The following NLRP13 variants were observed in gnomAD, a reference collection of about 807,000 sequenced individuals.
NLRP13 encodes NLR family pyrin domain containing 13, also known as NACHT, LRR and PYD domains-containing protein 13.
Under a neutral mutation model 94.4 loss-of-function variants are expected in NLRP13, and 82 were observed. The observed-to-expected ratio is 0.87, with a 90% CI of 0.73 to 1.04. The LOEUF (loss-of-function observed/expected upper bound fraction) is 1.04, where lower values mean the gene tolerates loss of function less well. Ranked by LOEUF, NLRP13 falls within the 50% of genes least tolerant of loss-of-function variation. NLRP13 has a pLI of 0.00. For synonymous variants in NLRP13, 553 were observed against 464.7 expected, an observed-to-expected ratio of 1.19 and a Z score of -2.45; for missense variants, 1,426 against 1,230.8, an observed-to-expected ratio of 1.16 and a Z score of -2.37.
Position 55,932,041 on chromosome 19 carries a change from T to A in NLRP13, c.271A>T (p.Thr91Ser). ...TCACACAGTGAGGTCAGATTCATTG[T>A]CTGGAAGATGCCGAGGACCACTTTC... The part of the protein sequence containing the change: ...AWKVVLGIFQ[T>S]MNLTSLCEKV... Residue 91 changes from threonine to serine, a missense_variant, in exon 1 of 11, where the codon ACA becomes TCA. Thr to Ser is a moderately conservative substitution (Grantham distance 58). Coordinates refer to ENST00000342929, the MANE Select transcript of NLRP13 (RefSeq NM_176810.2). The A allele has an allele frequency of 6.2e-7, 1 of 1,614,076 alleles. No individual in the cohort carries two copies. Among genetic ancestry groups the A allele is most frequent in the Non-Finnish European group, 8.5e-7 (1 of 1,180,030 alleles).
In NLRP13 at chr19:55,898,865, C is replaced by T; in HGVS notation, c.2862G>A (p.Val954=). ...CATTTTCTCCCAAATCCAAGATTTT[C>T]ACATTATGATTATGGCTGAGGGCAT... is the stretch of plus-strand genomic sequence containing the variant. ...LANALSHNHN[V]KILDLGENDL... Residue 954 remains valine, a synonymous_variant, in exon 10 of 11, where the codon GTG becomes GTA. Coordinates refer to ENST00000342929, the MANE Select transcript of NLRP13 (RefSeq NM_176810.2). The T allele has an allele frequency of 1.9e-6, 3 of 1,614,060 alleles. No individual in the cohort carries two copies. The highest frequency in any genetic ancestry group is 2.5e-6 in the Non-Finnish European group (3 of 1,179,964).
intron 1 of NLRP13, among the ~76,000 whole-genome samples, chr19:55,928,168 G>A (rs948282935): frequency 4.6e-5 from 7 of 152,142 alleles, no homozygotes; most frequent in African/African-American, 1.4e-4. Flanking sequence ...GGCCAAGTAG[G>A]AACAAGACAA....
chr19:55,900,491 G>A (rs1159642281), intron 9 of NLRP13, among the ~76,000 whole-genome samples: 2 of 152,140 alleles, frequency 1.3e-5, no homozygotes, highest in Admixed American at 1.3e-4. Flanking sequence ...CTAGAACCAG[G>A]CCAGGCGCGG....
At chr19:55,922,173 C>T (rs1376974481) in intron 4 of NLRP13, among the ~76,000 whole-genome samples, 1 of 151,956 alleles carries the variant, frequency 6.6e-6, no homozygotes, top group African/African-American at 2.4e-5. Flanking sequence ...AAAGATCCAC[C>T]CCATGAATCA....
At chr19:55,893,415 T>C (rs2123094416), downstream of NLRP13, among the ~76,000 whole-genome samples, 1 of 152,040 alleles carries the variant, frequency 6.6e-6, no homozygotes, top group East Asian at 1.9e-4. Flanking sequence ...CAAAAACCAT[T>C]ACTTTAAAAC....
At chr19:55,895,820 G>GA, downstream of NLRP13, 1 of 1,029,858 alleles carries the variant, frequency 9.7e-7, no homozygotes, top group Non-Finnish European at 1.4e-6. Flanking sequence ...ACCCTTACTG[G>GA]AAGTTCCGTT....
At chr19:55,907,465 C>T (rs901815910) in intron 7 of NLRP13, among the ~76,000 whole-genome samples, 10 of 152,012 alleles carry the variant, frequency 6.6e-5, no homozygotes, top group Admixed American at 1.3e-4. Flanking sequence ...ACCAGCCACT[C>T]GGGGGCTGCA....
chr19:55,927,370 A>G (rs1163109049), intron 1 of NLRP13, among the ~76,000 whole-genome samples: 2 of 33,144 alleles, frequency 6.0e-5, no homozygotes, highest in Admixed American at 4.5e-4. Flanking sequence ...TCCATCTAGG[A>G]AAAAAAAAAA....
At chr19:55,901,115 T>C (rs1445397477) in intron 9 of NLRP13, among the ~76,000 whole-genome samples, 1 of 152,170 alleles carries the variant, frequency 6.6e-6, no homozygotes, top group Non-Finnish European at 1.5e-5. Context: ...GGAGGAATTG[T>C]GTGTCCTGTG....
chr19:55,910,826 C>T (rs1473759629), intron 5 of NLRP13, 93 bp from the exon 6 acceptor site: 2 of 1,081,078 alleles, frequency 1.9e-6, no homozygotes, highest in Non-Finnish European at 2.6e-6. Flanking sequence ...GAAACCCTAA[C>T]AAAATTATTA....
downstream of NLRP13, among the ~76,000 whole-genome samples, chr19:55,895,129 C>T (rs1383749605): frequency 2.0e-5 from 3 of 146,966 alleles, no homozygotes; most frequent in East Asian, 4.2e-4. Flanking sequence ...CAGTGGCTCA[C>T]GCCTGTAATC....
chr19:55,894,282 T>G (rs755635038), downstream of NLRP13, among the ~76,000 whole-genome samples: 2 of 152,130 alleles, frequency 1.3e-5, no homozygotes, highest in Non-Finnish European at 2.9e-5. Flanking sequence ...CCTCAAGTGA[T>G]CCTCCTGCCT....
chr19:55,911,480 T>C (rs1266809680), intron 5 of NLRP13, among the ~76,000 whole-genome samples: 2 of 152,224 alleles, frequency 1.3e-5, no homozygotes, highest in Non-Finnish European at 2.9e-5. Flanking sequence ...CCATATTCAA[T>C]GCCTAAGATA....
chr19:55,930,894 AT>A (rs1356841019), intron 1 of NLRP13, among the ~76,000 whole-genome samples: 79 of 119,938 alleles, frequency 6.6e-4, no homozygotes, highest in Non-Finnish European at 1.1e-3. Flanking sequence ...ATATATATAT[AT>A]ATAAAATTTT....
At chr19:55,894,251 A>T (rs2123095580), downstream of NLRP13, among the ~76,000 whole-genome samples, 1 of 152,130 alleles carries the variant, frequency 6.6e-6, no homozygotes, top group East Asian at 1.9e-4. Flanking sequence ...TATGTTGCCC[A>T]TGCTGGTCTT....
At chr19:55,917,482 T>C (rs1462091565) in intron 4 of NLRP13, among the ~76,000 whole-genome samples, 1 of 151,934 alleles carries the variant, frequency 6.6e-6, no homozygotes, top group Non-Finnish European at 1.5e-5. Context: ...AGATATAAAT[T>C]GGAGGAATAG....
rs150517829 is a variant in NLRP13 at position 55,904,981 on chromosome 19, G to T, written c.2579C>A (p.Ala860Glu). 6 of 1,613,846 alleles carry T rather than the reference G, an allele frequency of 3.7e-6. No homozygotes were observed. Among genetic ancestry groups the T allele is most frequent in the South Asian group, 3.3e-5 (3 of 91,048 alleles). Residue 860 changes from alanine (A) to glutamate (E), a missense_variant, in exon 8 of 11, where the codon GCG (alanine) becomes GAG (glutamate). Ala to Glu is a moderately radical substitution (Grantham distance 107). Transcript: ENST00000342929. ...LQDDGIKLLC[A>E]ALTHPKCALE... Reference sequence around the variant, plus strand: ...GGCACACTTGGGGTGAGTCAGGGCCGCACACAATAGCTTTATGCCATCATC... The same window carrying T: ...GGCACACTTGGGGTGAGTCAGGGCCTCACACAATAGCTTTATGCCATCATC...
At chr19:55,902,002 T>G in intron 9 of NLRP13, 33 bp downstream of exon 9, 1 of 1,609,992 alleles carries the variant, frequency 6.2e-7, no homozygotes, top group Non-Finnish European at 8.5e-7. Context: ...CTCTCCTCCA[T>G]CTGCCAACTC....
downstream of NLRP13, among the ~76,000 whole-genome samples, chr19:55,892,831 T>G (rs1985894836): frequency 6.6e-6 from 1 of 152,346 alleles, no homozygotes; most frequent in Admixed American, 6.5e-5. Context: ...CTAATAGCCC[T>G]CAGCTGCGTC....
Sources: allele counts gnomAD v4.1 joint callset (sites outside exome capture counted in the v4.1 genomes callset), GRCh38; gene constraint gnomAD v4.1.1; transcripts MANE v1.5; gene names NCBI Gene and HGNC (gene_info 2026-07-23, HGNC 2026-07-21).